The following TBC1D22A variants were observed in gnomAD, a reference collection of about 807,000 sequenced individuals.
TBC1D22A encodes putative GTPase activator.
A neutral mutation model predicts 60.2 loss-of-function variants in TBC1D22A; 38 were observed. The observed-to-expected ratio is 0.63, with a 90% confidence interval of 0.49 to 0.83. The LOEUF is 0.83. TBC1D22A is among the 40% of genes least tolerant of loss of function. TBC1D22A has a pLI of 0.00. For missense variants in TBC1D22A, 628 were observed against 701.0 expected (o/e 0.90, Z 1.18); for synonymous variants, 302 against 281.7 (o/e 1.07, Z -0.72).
chr22:47,028,141 C>T lies in TBC1D22A; in HGVS notation c.1202-8930C>T, dbSNP rs2062323495. 6.6e-6 allele frequency among the ~76,000 whole-genome samples: 1 copy of T among 152,174 alleles called. No individual in the cohort carries two copies. The highest frequency in any genetic ancestry group is 6.5e-5 in the Admixed American group (1 of 15,284). On this transcript the variant is annotated intron_variant, in intron 10 of 12. Coordinates refer to ENST00000337137, the MANE Select transcript of TBC1D22A (RefSeq NM_014346.5). This position sits in a 1 kb window ranked among gnomAD's most constrained non-coding sequence, Gnocchi z 4.4. ...ACCTTGTTGCTTCAGTGCCATGTAG[C>T]TCTAGAAGAAGTTGTATTTTAGATT...
intron 5 of TBC1D22A, among the ~76,000 whole-genome samples, chr22:46,884,051 T>A (rs1289758053): frequency 6.6e-6 from 1 of 152,148 alleles, no homozygotes; most frequent in Non-Finnish European, 1.5e-5. Context: ...GAGGTTCCGT[T>A]GTGGGGCAAA....
intron 5 of TBC1D22A, among the ~76,000 whole-genome samples, chr22:46,885,831 C>A (rs1364351025): frequency 6.6e-6 from 1 of 152,136 alleles, no homozygotes; most frequent in Non-Finnish European, 1.5e-5. Flanking sequence ...TAAATAATCA[C>A]CCGGAAGGCA....
intron 7 of TBC1D22A, among the ~76,000 whole-genome samples, chr22:46,903,161 G>T (rs980400579): frequency 1.3e-5 from 2 of 152,196 alleles, no homozygotes. Flanking sequence ...CCAGCCTCAC[G>T]CCCTGCAGGG....
chr22:47,079,762 A>G (rs1460489748), intron 11 of TBC1D22A, among the ~76,000 whole-genome samples: 4 of 152,250 alleles, frequency 2.6e-5, no homozygotes, highest in Non-Finnish European at 5.9e-5. Context: ...ACAGCAATAT[A>G]GTAGACTTAC....
At chr22:47,094,828 G>A (rs1472237705) in intron 11 of TBC1D22A, among the ~76,000 whole-genome samples, 4 of 152,006 alleles carry the variant, frequency 2.6e-5, no homozygotes, top group East Asian at 3.9e-4. Flanking sequence ...ATCAGCCCCC[G>A]AGGCTGTAGA....
At chr22:47,008,692 T>C (rs2061659983) in intron 10 of TBC1D22A, among the ~76,000 whole-genome samples, 2 of 152,178 alleles carry the variant, frequency 1.3e-5, no homozygotes, top group Admixed American at 1.3e-4. Flanking sequence ...CCAGGGTGCT[T>C]CCTGATGATC....
intron 8 of TBC1D22A, among the ~76,000 whole-genome samples, chr22:46,957,559 C>G (rs2073267960): frequency 6.6e-6 from 1 of 152,216 alleles, no homozygotes; most frequent in African/African-American, 2.4e-5. Context: ...CACCTCCCTC[C>G]CTGAACACGT....
intron 4 of TBC1D22A, among the ~76,000 whole-genome samples, chr22:46,842,347 C>T (rs991713879): frequency 1.5e-4 from 23 of 152,182 alleles, no homozygotes; most frequent in African/African-American, 5.6e-4. Context: ...TTATTTTTAA[C>T]ATTTTATTTG....
chr22:46,982,922 G>T (rs544128677), intron 9 of TBC1D22A, among the ~76,000 whole-genome samples: 37 of 152,358 alleles, frequency 2.4e-4, no homozygotes, highest in African/African-American at 8.4e-4. Flanking sequence ...TGTCTGGGGT[G>T]CTTTTCAGTG....
At chr22:46,901,047 T>A (rs2068964753) in intron 7 of TBC1D22A, among the ~76,000 whole-genome samples, 2 of 152,234 alleles carry the variant, frequency 1.3e-5, no homozygotes, top group South Asian at 4.1e-4. Context: ...ATCTGAGATA[T>A]GTTTTTGCTT....
At chr22:47,090,586 G>A (rs1292277492) in intron 11 of TBC1D22A, among the ~76,000 whole-genome samples, 1 of 152,214 alleles carries the variant, frequency 6.6e-6, no homozygotes. Context: ...CCGGTGGTGG[G>A]TCCTGGTAGC....
intron 8 of TBC1D22A, among the ~76,000 whole-genome samples, chr22:46,952,903 T>C (rs1161399541): frequency 6.6e-6 from 1 of 152,222 alleles, no homozygotes; most frequent in Non-Finnish European, 1.5e-5. Context: ...ATTGCTTGGA[T>C]GGCCTTTCAC....
intron 11 of TBC1D22A, among the ~76,000 whole-genome samples, chr22:47,067,840 C>G (rs1485487174): frequency 1.3e-5 from 2 of 152,258 alleles, no homozygotes; most frequent in African/African-American, 4.8e-5. Flanking sequence ...CTGAATGGCC[C>G]TCTTCAGGTG....
chr22:47,023,444 T>C (rs1241372568), intron 10 of TBC1D22A, among the ~76,000 whole-genome samples: 2 of 152,086 alleles, frequency 1.3e-5, no homozygotes, highest in African/African-American at 4.8e-5. Context: ...GAAATAATAC[T>C]CAGTTAAAAA....
At chr22:46,828,846 C>G (rs1242655399) in intron 4 of TBC1D22A, among the ~76,000 whole-genome samples, 2 of 152,238 alleles carry the variant, frequency 1.3e-5, no homozygotes, top group Non-Finnish European at 2.9e-5. Context: ...GATACACGCC[C>G]TCACGTTGAG....
chr22:46,775,561 C>T (rs1443452010), intron 1 of TBC1D22A, among the ~76,000 whole-genome samples: 7 of 152,100 alleles, frequency 4.6e-5, no homozygotes, highest in Non-Finnish European at 7.4e-5. Context: ...GATTCCTGTG[C>T]GGCCACAGCT....
At position 46,816,809 on chromosome 22, in the gene TBC1D22A, C is replaced by T. The variant is rs144106688; in HGVS notation, c.637+19189C>T. ...ACAGGCCACTTTAACATTTCACGGTCGTGGTGGTCTACAGGAAGCGGGTAG... is the reference window on the plus strand; with the variant it reads ...ACAGGCCACTTTAACATTTCACGGTTGTGGTGGTCTACAGGAAGCGGGTAG... On this transcript the variant is annotated intron_variant, in intron 4 of 12. Transcript: ENST00000337137. Among the ~76,000 whole-genome samples the T allele has an allele frequency of 6.2e-4, 94 of 152,238 alleles. 4 individuals are homozygous for T. In the East Asian group the frequency reaches 0.017, roughly 27 times the overall value.
At chr22:46,906,872 G>T (rs2069518106) in intron 7 of TBC1D22A, among the ~76,000 whole-genome samples, 1 of 151,644 alleles carries the variant, frequency 6.6e-6, no homozygotes. Context: ...CTCTGTGTGT[G>T]TACATGGGCT....
intron 7 of TBC1D22A, among the ~76,000 whole-genome samples, chr22:46,903,284 G>A (rs1055264222): frequency 6.6e-5 from 10 of 152,156 alleles, no homozygotes; most frequent in South Asian, 4.1e-4. Flanking sequence ...GCTCCCCTTC[G>A]AGAACCCACA....
Sources: gnomAD v4.1 joint callset for allele counts (sites outside exome capture counted in the v4.1 genomes callset) on GRCh38, gnomAD v4.1.1 for gene constraint, Gnocchi (gnomAD v3.1) non-coding constraint, MANE v1.5 for transcripts, NCBI Gene and HGNC (gene_info 2026-07-23, HGNC 2026-07-21) for gene names.